CALCOCO1: variants seen among roughly 807,000 people sequenced by gnomAD.
CALCOCO1 encodes the protein calcium-binding and coiled-coil domain-containing protein 1.
A neutral mutation model predicts 86.3 loss-of-function variants in CALCOCO1; 44 were observed. The ratio of observed to expected loss-of-function variants is 0.51; its 90% CI spans 0.40 to 0.66. The LOEUF is 0.66. CALCOCO1 is among the 30% of genes least tolerant of loss of function. The pLI is 0.00. For missense variants in CALCOCO1, 708 were observed against 851.1 expected, an observed-to-expected ratio of 0.83 and a Z score of 2.09; for synonymous variants, 297 against 327.6, an observed-to-expected ratio of 0.91 and a Z score of 1.01.
rs372497223 is a variant in CALCOCO1 at position 53,714,712 on chromosome 12, A to G, written c.1387-19T>C. On this transcript the variant is annotated intron_variant, in intron 10 of 14. Coordinates refer to ENST00000550804, the MANE Select transcript of CALCOCO1 (RefSeq NM_020898.3). ...ACTGTACCTGAGGGAAGAGGGCCCA[A>G]TGGAATCTGGAGCCTAGAATGTACC... The G allele has an allele frequency of 6.1e-5, 96 of 1,583,462 alleles. No individual in the cohort carries two copies. The African/African-American group carries it at 7.9e-4, about 13-fold the overall frequency.
At position 53,714,207 on chromosome 12, in the gene CALCOCO1, C is replaced by T. The variant is rs749733927; in HGVS notation, c.1517G>A (p.Arg506His). ...CTTCTCATCTGCCACCTTCTCCAGG[C>T]GGGCCTCTAGCTTTCTCATGTACTC... ...LLEYMRKLEA[R>H]LEKVADEKWN... Residue 506 changes from arginine (R) to histidine (H), a missense_variant, in exon 12 of 15, where the codon CGC becomes CAC. Coordinates refer to ENST00000550804, the MANE Select transcript of CALCOCO1 (RefSeq NM_020898.3). 41 of 1,613,520 alleles carry T rather than the reference C, an allele frequency of 2.5e-5. 1 individual carries two copies. Among genetic ancestry groups the T allele is most frequent in the Admixed American group, 2.0e-4 (12 of 59,998 alleles).
Position 53,719,824 on chromosome 12 carries a change from C to G in CALCOCO1, c.764G>C (p.Arg255Thr). The change falls in exon 7 of 15, where the codon AGA (arginine) becomes ACA (threonine). Residue 255 changes from arginine to threonine, a missense_variant. By Grantham distance (71) the Arg-to-Thr change is moderately conservative. Coordinates refer to ENST00000550804, the MANE Select transcript of CALCOCO1 (RefSeq NM_020898.3). ...CCGAGTCAGGGCCTTCACTGTGTCT[C>G]TAAGCCTGTGATTGGTGGGATGACA... ...LTKEVELDRL[R>T]DTVKALTREQ... 6 of 1,611,324 alleles carry G rather than the reference C, an allele frequency of 3.7e-6. No individual in the cohort carries two copies. The highest frequency in any genetic ancestry group is 5.1e-6 in the Non-Finnish European group (6 of 1,177,684).
chr12:53,725,325 G>T, intron 1 of CALCOCO1, 59 bp from the exon 2 acceptor site: 2 of 1,184,608 alleles, frequency 1.7e-6, no homozygotes, highest in Non-Finnish European at 2.3e-6. Flanking sequence ...TCCCCCCACA[G>T]CTCCAGCACC....
intron 2 of CALCOCO1, 102 bp from the exon 3 acceptor site, chr12:53,724,849 C>G: frequency 1.1e-6 from 1 of 934,152 alleles, no homozygotes; most frequent in South Asian, 1.6e-5. Context: ...GATGGAGCTA[C>G]AGTGGCAACA....
intron 7 of CALCOCO1, among the ~76,000 whole-genome samples, chr12:53,717,212 C>CCA: frequency 1.3e-5 from 2 of 152,308 alleles, no homozygotes; most frequent in Admixed American, 1.3e-4. Context: ...AGGTGTGTGC[C>CCA]ACCACGCCTG....
intron 14 of CALCOCO1, 72 bp from the exon 15 acceptor site, chr12:53,712,193 A>G (rs1945580553): frequency 1.4e-6 from 2 of 1,384,616 alleles, no homozygotes; most frequent in Non-Finnish European, 2.0e-6. Flanking sequence ...GACTTCGGAG[A>G]GCAGGACCCA....
At position 53,721,548 on chromosome 12, in the gene CALCOCO1, T is replaced by C. The variant is rs749140659; in HGVS notation, c.677A>G (p.His226Arg). The change falls in exon 6 of 15, where the codon CAT becomes CGT. Residue 226 changes from histidine to arginine, a missense_variant. Physicochemically the swap from His to Arg is conservative, Grantham distance 29 (BLOSUM62 0). Coordinates refer to ENST00000550804, the MANE Select transcript of CALCOCO1 (RefSeq NM_020898.3). ...CTCTAGCTCCAGGATGCGTGCCACA[T>C]GGTCTCCCTGTTGCCGGCTCAGGAT... ...RDILSRQQGD[H>R]VARILELEDD... 2 of 1,613,744 alleles carry C rather than the reference T, an allele frequency of 1.2e-6. No homozygotes were observed. Among genetic ancestry groups the C allele is most frequent in the Non-Finnish European group, 1.7e-6 (2 of 1,179,912 alleles).
intron 11 of CALCOCO1, 47 bp from the exon 12 acceptor site, chr12:53,714,288 C>A: frequency 2.1e-6 from 3 of 1,413,848 alleles, no homozygotes; most frequent in Non-Finnish European, 3.0e-6. Context: ...TGGGAAGGTG[C>A]CAACCTTGCT....
chr12:53,715,715 G>T (rs1945706257), intron 9 of CALCOCO1, 78 bp downstream of exon 9: 2 of 1,562,486 alleles, frequency 1.3e-6, no homozygotes. Context: ...CCTCCCAGAG[G>T]GTCTGACCAC....
rs1204506936 is a variant in CALCOCO1 at position 53,710,234 on chromosome 12, G to T, written c.*1710C>A. Reference sequence around the variant, plus strand: ...CCATTATCTCTAATTTCCTTGGAAGGGATTCAGGGAACGGGATGGGGTTGC... The same window carrying T: ...CCATTATCTCTAATTTCCTTGGAAGTGATTCAGGGAACGGGATGGGGTTGC... On this transcript the variant is annotated 3_prime_UTR_variant, in exon 15 of 15. Transcript: ENST00000550804. 6.6e-6 allele frequency: 1 copy of T among 152,228 alleles called. No individual in the cohort carries two copies. The highest frequency in any genetic ancestry group is 1.9e-4 in the East Asian group (1 of 5,200). The allele number at this position is 152,228 out of a possible 1,614,324, so 9.4% of individuals were successfully genotyped here.
At chr12:53,714,561 C>T (rs756435429) in intron 11 of CALCOCO1, 37 bp downstream of exon 11, 3 of 1,493,632 alleles carry the variant, frequency 2.0e-6, no homozygotes, top group Non-Finnish European at 2.8e-6. Flanking sequence ...AAGTCCTCAC[C>T]TGTGGCATCC....
chr12:53,724,010 C>T (rs1201687488), intron 3 of CALCOCO1: 12 of 564,590 alleles, frequency 2.1e-5, no homozygotes, highest in Non-Finnish European at 3.2e-5. Context: ...GTACCATGTA[C>T]CAGACACTGT....
intron 9 of CALCOCO1, 45 bp from the exon 10 acceptor site, chr12:53,715,370 A>C: frequency 1.2e-6 from 2 of 1,611,808 alleles, no homozygotes; most frequent in Non-Finnish European, 1.7e-6. Flanking sequence ...GAGGGGGAAG[A>C]AAAAGGAACG....
rs1008203531 is a variant in CALCOCO1 at position 53,711,683 on chromosome 12, C to T, written c.*261G>A. On this transcript the variant is annotated 3_prime_UTR_variant, in exon 15 of 15. Coordinates refer to ENST00000550804, the MANE Select transcript of CALCOCO1 (RefSeq NM_020898.3). ...CCACAGGGGAAGGCCTCCTCCATCC[C>T]GGTTCCTCCAAAACCACTTTCAGGG... The T allele has an allele frequency of 3.2e-5, 12 of 378,578 alleles. No homozygotes were observed. Among genetic ancestry groups the T allele is most frequent in the Non-Finnish European group, 5.2e-5 (11 of 212,084 alleles). 23.5% of individuals were successfully genotyped at this position (378,578 alleles called of 1,614,324 possible).
intron 7 of CALCOCO1, among the ~76,000 whole-genome samples, chr12:53,717,436 A>C (rs1366393306): frequency 6.6e-6 from 1 of 152,188 alleles, no homozygotes; most frequent in African/African-American, 2.4e-5. Flanking sequence ...AATAAAAATG[A>C]AGCTCAAGAT....
chr12:53,720,750 G>C (rs1945845762), intron 6 of CALCOCO1, among the ~76,000 whole-genome samples: 1 of 152,232 alleles, frequency 6.6e-6, no homozygotes, highest in Admixed American at 6.5e-5. Flanking sequence ...AGGAACTAGA[G>C]TGTTTAAACT....
intron 4 of CALCOCO1, chr12:53,722,943 CAAAAAAA>C: frequency 6.9e-5 from 13 of 188,488 alleles, no homozygotes; most frequent in South Asian, 1.2e-4. Flanking sequence ...AAGGCTGTCT[CAAAAAAA>C]AAAAAAAAAA....
At chr12:53,717,536 G>A (rs1471721945) in intron 7 of CALCOCO1, among the ~76,000 whole-genome samples, 4 of 152,132 alleles carry the variant, frequency 2.6e-5, no homozygotes, top group Admixed American at 2.0e-4. Context: ...CTTTGCTCAC[G>A]TCTTTCTCTG....
chr12:53,725,012 A>G, intron 2 of CALCOCO1, 75 bp downstream of exon 2: 1 of 1,448,390 alleles, frequency 6.9e-7, no homozygotes, highest in South Asian at 1.4e-5. Context: ...TTGAGAATCC[A>G]AGAGCCCAAT....
Sources: gnomAD v4.1 joint callset for allele counts (sites outside exome capture counted in the v4.1 genomes callset) on GRCh38, gnomAD v4.1.1 for gene constraint, MANE v1.5 for transcripts, NCBI Gene and HGNC (gene_info 2026-07-23, HGNC 2026-07-21) for gene names.